CRY1: variants seen among roughly 807,000 people sequenced by gnomAD.
CRY1 encodes cryptochrome-1.
Under a neutral mutation model 76.0 loss-of-function variants are expected in CRY1, and 45 were observed. That is an observed-to-expected ratio of 0.59 (90% CI 0.47 to 0.76). The LOEUF (loss-of-function observed/expected upper bound fraction) is 0.76, where lower values mean the gene tolerates loss of function less well. Ranked by LOEUF, CRY1 falls within the 30% of genes least tolerant of loss-of-function variation. The pLI is 0.00. For missense variants in CRY1, 587 were observed against 716.4 expected, an observed-to-expected ratio of 0.82 and a Z score of 2.06; for synonymous variants, 248 against 244.0, an observed-to-expected ratio of 1.02 and a Z score of -0.15.
chr12:107,028,410 T>C (rs1377292858), intron 1 of CRY1, among the ~76,000 whole-genome samples: 2 of 152,144 alleles, frequency 1.3e-5, no homozygotes, highest in Non-Finnish European at 2.9e-5. Context: ...ATGAAATATA[T>C]ATTTTAAAAG....
intron 1 of CRY1, among the ~76,000 whole-genome samples, chr12:107,029,083 C>T (rs1195174395): frequency 6.6e-6 from 1 of 152,078 alleles, no homozygotes; most frequent in African/African-American, 2.4e-5. Context: ...TACTTATTTA[C>T]TTTAGAGACA....
At chr12:107,056,575 A>G (rs1000894381) in intron 1 of CRY1, among the ~76,000 whole-genome samples, 13 of 148,698 alleles carry the variant, frequency 8.7e-5, no homozygotes, top group Non-Finnish European at 1.9e-4. Context: ...AGATTTAAGC[A>G]CAGACTTTTT....
chr12:107,011,462 T>C (rs558502905), intron 2 of CRY1, among the ~76,000 whole-genome samples: 1 of 151,442 alleles, frequency 6.6e-6, no homozygotes, highest in South Asian at 2.1e-4. Flanking sequence ...TTGAAGGAAA[T>C]TAAAAGTGCT....
Position 106,993,044 on chromosome 12 carries a change from T to C in CRY1, c.1586-8A>G. 3 of 1,613,426 alleles carry C rather than the reference T, an allele frequency of 1.9e-6. No individual in the cohort carries two copies. Among genetic ancestry groups the C allele is most frequent in the Non-Finnish European group, 2.5e-6 (3 of 1,179,490 alleles). Reference sequence around the variant, plus strand: ...CACTCCCTTGAGAGCAACCTGTTAGTATTTAAAACACAGTAAAATTACTTA... The same window carrying C: ...CACTCCCTTGAGAGCAACCTGTTAGCATTTAAAACACAGTAAAATTACTTA... On this transcript the variant is annotated splice_polypyrimidine_tract_variant and splice_region_variant and intron_variant, in intron 10 of 12. Coordinates refer to ENST00000008527, the MANE Select transcript of CRY1 (RefSeq NM_004075.5).
At chr12:106,994,159 A>G (rs1952209062) in intron 10 of CRY1, among the ~76,000 whole-genome samples, 1 of 152,248 alleles carries the variant, frequency 6.6e-6, no homozygotes, top group African/African-American at 2.4e-5. Flanking sequence ...AGTGTAAGGC[A>G]TAAAAGGATA....
intron 1 of CRY1, among the ~76,000 whole-genome samples, chr12:107,052,105 T>A (rs868730037): frequency 1.3e-5 from 2 of 152,094 alleles, no homozygotes; most frequent in South Asian, 4.2e-4. Flanking sequence ...TTTCTAACGG[T>A]TACTTGGTAA....
intron 1 of CRY1, among the ~76,000 whole-genome samples, chr12:107,028,453 T>C (rs1952639426): frequency 6.6e-6 from 1 of 152,138 alleles, no homozygotes; most frequent in Admixed American, 6.5e-5. Context: ...CTAAAAGCCA[T>C]AAACCAGTAG....
chr12:107,078,603 T>C (rs1244550456), intron 1 of CRY1, among the ~76,000 whole-genome samples: 4 of 152,198 alleles, frequency 2.6e-5, no homozygotes, highest in South Asian at 2.1e-4. Context: ...CCATTACTTA[T>C]ACAGGAATTA....
At chr12:107,015,499 A>T (rs1952489704) in intron 2 of CRY1, among the ~76,000 whole-genome samples, 1 of 152,098 alleles carries the variant, frequency 6.6e-6, no homozygotes, top group Non-Finnish European at 1.5e-5. Flanking sequence ...ATGCGCCACC[A>T]TACCCAGCTA....
Position 106,999,818 on chromosome 12 carries a change from C to G in CRY1, c.870G>C (p.Leu290=). 1.2e-6 allele frequency: 2 copies of G among 1,614,082 alleles called. No individual in the cohort carries two copies. The highest frequency in any genetic ancestry group is 1.7e-6 in the Non-Finnish European group (2 of 1,179,994). ...CTGTATAGAAAAATTCACGCCATAA[C>G]AGTTGCCCATAAAGGGAAAGGGGAG... ...SSPPLSLYGQ[L]LWREFFYTAA... Residue 290 remains leucine (L), a synonymous_variant, in exon 7 of 13, where the codon CTG becomes CTC. Transcript: ENST00000008527.
At chr12:107,070,433 AAC>A (rs1444784382) in intron 1 of CRY1, among the ~76,000 whole-genome samples, 4 of 150,946 alleles carry the variant, frequency 2.6e-5, no homozygotes, top group African/African-American at 7.3e-5. Flanking sequence ...GTTTTGCATG[AAC>A]ACACAGTTAC....
intron 10 of CRY1, among the ~76,000 whole-genome samples, chr12:106,995,061 G>C (rs953100083): frequency 6.6e-6 from 1 of 152,226 alleles, no homozygotes; most frequent in Non-Finnish European, 1.5e-5. Flanking sequence ...GCAGGAAGAA[G>C]TACAAGCTTT....
At chr12:107,030,243 G>T (rs534740726) in intron 1 of CRY1, among the ~76,000 whole-genome samples, 5 of 152,216 alleles carry the variant, frequency 3.3e-5, no homozygotes, top group Admixed American at 1.3e-4. Context: ...CTATTGTGCT[G>T]GATACTTTAC....
chr12:107,004,643 C>T (rs1364859577), intron 3 of CRY1, among the ~76,000 whole-genome samples: 2 of 152,256 alleles, frequency 1.3e-5, no homozygotes, highest in East Asian at 3.9e-4. Flanking sequence ...TGTTATATTA[C>T]ATCCAATTTG....
chr12:107,088,492 AG>A (rs137868666), intron 1 of CRY1, among the ~76,000 whole-genome samples: 6,647 of 152,230 alleles, frequency 0.044, 275 homozygotes, highest in African/African-American at 0.11. Flanking sequence ...AGACTAAGGG[AG>A]TGCTCTTATA....
chr12:106,998,030 T>C lies in CRY1; in HGVS notation c.1174A>G (p.Ile392Val), dbSNP rs1410371019. Reference sequence around the variant, plus strand: ...AGCCACATCCAACTTCCAGCATTTATGCTCCAATCTGCATCAAGCAATAAT... The same window carrying C: ...AGCCACATCCAACTTCCAGCATTTACGCTCCAATCTGCATCAAGCAATAAT... ...EELLLDADWS[I>V]NAGSWMWLSC... The change falls in exon 8 of 13, where the codon ATA (isoleucine) becomes GTA (valine). Residue 392 changes from isoleucine (I) to valine (V), a missense_variant. Coordinates refer to ENST00000008527, the MANE Select transcript of CRY1 (RefSeq NM_004075.5). 6.2e-7 allele frequency: 1 copy of C among 1,614,026 alleles called. No homozygotes were observed. Among genetic ancestry groups the C allele is most frequent in the Non-Finnish European group, 8.5e-7 (1 of 1,179,998 alleles).
chr12:107,075,042 A>C (rs186871371), intron 1 of CRY1, among the ~76,000 whole-genome samples: 4 of 152,064 alleles, frequency 2.6e-5, no homozygotes, highest in African/African-American at 7.2e-5. Context: ...AAAACAAAAA[A>C]CAAAAACTAC....
intron 1 of CRY1, among the ~76,000 whole-genome samples, chr12:107,073,450 G>T (rs1953215867): frequency 6.6e-6 from 1 of 152,116 alleles, no homozygotes; most frequent in Non-Finnish European, 1.5e-5. Context: ...TTACTGGCTG[G>T]GCACGGTGAC....
At chr12:107,042,738 C>T (rs1952812084) in intron 1 of CRY1, among the ~76,000 whole-genome samples, 1 of 152,002 alleles carries the variant, frequency 6.6e-6, no homozygotes, top group African/African-American at 2.4e-5. Flanking sequence ...GAACAGAAAC[C>T]CTGGTGAGTA....
Sources: gnomAD v4.1 joint callset for allele counts (sites outside exome capture counted in the v4.1 genomes callset) on GRCh38, gnomAD v4.1.1 for gene constraint, MANE v1.5 for transcripts, NCBI Gene and HGNC (gene_info 2026-07-23, HGNC 2026-07-21) for gene names.